The following BTRC variants were observed in gnomAD, a reference collection of about 807,000 sequenced individuals.
The protein encoded by BTRC is beta-transducin repeat containing E3 ubiquitin protein ligase, also known as F-box/WD repeat-containing protein 1A.
BTRC carries 42 observed loss-of-function variants against 85.5 expected under a neutral mutation model. The ratio of observed to expected loss-of-function variants is 0.49; its 90% CI spans 0.38 to 0.64. The LOEUF (loss-of-function observed/expected upper bound fraction) is 0.64, where lower values mean the gene tolerates loss of function less well. BTRC is among the 30% of genes least tolerant of loss of function. BTRC has a pLI of 0.00. For synonymous variants in BTRC, 255 were observed against 263.3 expected (o/e 0.97, Z 0.30); for missense variants, 594 against 743.5 (o/e 0.80, Z 2.34).
intron 4 of BTRC, among the ~76,000 whole-genome samples, chr10:101,495,770 G>A (rs189234573): frequency 5.3e-5 from 8 of 152,034 alleles, no homozygotes; most frequent in Non-Finnish European, 1.0e-4. Flanking sequence ...GAATTTTCAC[G>A]AAGTGAACAT....
At chr10:101,441,225 GT>G (rs777600441) in intron 2 of BTRC, among the ~76,000 whole-genome samples, 4 of 152,172 alleles carry the variant, frequency 2.6e-5, no homozygotes, top group Non-Finnish European at 4.4e-5. Context: ...GCTTTATGGA[GT>G]TTTCTAAATC....
chr10:101,490,764 A>T (rs1946109105), intron 4 of BTRC, among the ~76,000 whole-genome samples: 1 of 152,208 alleles, frequency 6.6e-6, no homozygotes, highest in Non-Finnish European at 1.5e-5. Flanking sequence ...CAGAAAACTT[A>T]CTATCTCTTT....
chr10:101,471,948 C>T (rs1945535814), intron 3 of BTRC, among the ~76,000 whole-genome samples: 2 of 152,154 alleles, frequency 1.3e-5, no homozygotes, highest in South Asian at 4.1e-4. Context: ...AAGCCTCTTT[C>T]GGCAGGCTTC....
chr10:101,387,186 T>C (rs932241092), intron 1 of BTRC, among the ~76,000 whole-genome samples: 6 of 152,002 alleles, frequency 3.9e-5, no homozygotes, highest in African/African-American at 1.4e-4. Context: ...GCAAATCTTT[T>C]CTATTTTAAA....
chr10:101,439,683 TG>T (rs1341773317), intron 2 of BTRC, among the ~76,000 whole-genome samples: 1 of 152,158 alleles, frequency 6.6e-6, no homozygotes, highest in Non-Finnish European at 1.5e-5. Flanking sequence ...TAAAGAGAAG[TG>T]GTGCTGATGG....
intron 2 of BTRC, among the ~76,000 whole-genome samples, chr10:101,440,178 A>AT (rs1366962095): frequency 7.2e-5 from 11 of 152,186 alleles, no homozygotes; most frequent in African/African-American, 2.7e-4. Context: ...CTTGGAAAAT[A>AT]TTTTGTAGTA....
At position 101,522,383 on chromosome 10, in the gene BTRC, A is replaced by AC. The variant is rs1589592319; in HGVS notation, c.556+513_556+514insC. 5.1e-5 allele frequency among the ~76,000 whole-genome samples: 7 copies of AC among 138,568 alleles called. No homozygotes were observed. The East Asian group carries it at 1.2e-3, about 24-fold the overall frequency. 90.9% of individuals were successfully genotyped at this position (138,568 alleles called of 152,430 possible). A position where few individuals can be genotyped will look rare whatever the true frequency, so the allele number is the denominator to read the frequency against. ...AAAAAAAAACAAAAAAAAACAAAAA[A>AC]AAAAAAACTCTAGAAATAAAGACTC... is the stretch of plus-strand genomic sequence containing the variant. On this transcript the variant is annotated intron_variant, in intron 5 of 14. Transcript: ENST00000370187.
intron 1 of BTRC, among the ~76,000 whole-genome samples, chr10:101,421,336 T>C (rs2134054073): frequency 6.6e-6 from 1 of 152,312 alleles, no homozygotes; most frequent in East Asian, 1.9e-4. Flanking sequence ...AGTAACTCCA[T>C]GTTTAACTTT....
chr10:101,358,814 T>C (rs1245323872), intron 1 of BTRC, among the ~76,000 whole-genome samples: 1 of 151,976 alleles, frequency 6.6e-6, no homozygotes, highest in Non-Finnish European at 1.5e-5. Context: ...TCCAAGAATG[T>C]CACTGTGGGT....
intron 4 of BTRC, among the ~76,000 whole-genome samples, chr10:101,512,750 A>G (rs1362388977): frequency 6.6e-6 from 1 of 152,236 alleles, no homozygotes; most frequent in Non-Finnish European, 1.5e-5. Context: ...AGCCTTTGAG[A>G]ACTAAGCTGA....
At chr10:101,549,240 C>T (rs1486258086) in intron 13 of BTRC, among the ~76,000 whole-genome samples, 1 of 140,226 alleles carries the variant, frequency 7.1e-6, no homozygotes, top group East Asian at 2.1e-4. Context: ...CAAGACCAGC[C>T]TGGGCAACAA....
At chr10:101,530,497 A>G (rs899968760) in intron 6 of BTRC, among the ~76,000 whole-genome samples, 19 of 144,234 alleles carry the variant, frequency 1.3e-4, no homozygotes, top group South Asian at 4.4e-4. Context: ...AGTAAAAGGG[A>G]AAAAAAAAAA....
chr10:101,545,352 TTAACTA>T (rs1187918334), intron 13 of BTRC, among the ~76,000 whole-genome samples: 2 of 152,212 alleles, frequency 1.3e-5, no homozygotes, highest in Non-Finnish European at 2.9e-5. Context: ...GAAAGCTACT[TTAACTA>T]TAAAGACACA....
At chr10:101,457,955 T>A (rs1239430059) in intron 2 of BTRC, among the ~76,000 whole-genome samples, 3 of 152,212 alleles carry the variant, frequency 2.0e-5, no homozygotes, top group African/African-American at 7.2e-5. Flanking sequence ...TATCTGCTTA[T>A]AAATACATAT....
At chr10:101,453,008 G>T (rs1034862109) in intron 2 of BTRC, among the ~76,000 whole-genome samples, 4 of 150,418 alleles carry the variant, frequency 2.7e-5, no homozygotes, top group African/African-American at 9.8e-5. Context: ...CACACACAGT[G>T]TTTTTTTTTA....
intron 4 of BTRC, among the ~76,000 whole-genome samples, chr10:101,505,934 AG>A (rs1444054339): frequency 1.4e-5 from 2 of 144,614 alleles, no homozygotes; most frequent in African/African-American, 5.1e-5. Flanking sequence ...TTTTTTTTTG[AG>A]ACGGAGTCTC....
At chr10:101,498,365 G>A (rs1477553925) in intron 4 of BTRC, among the ~76,000 whole-genome samples, 1 of 151,988 alleles carries the variant, frequency 6.6e-6, no homozygotes, top group African/African-American at 2.4e-5. Flanking sequence ...ATTTTGGCCA[G>A]GCTGGTCTCG....
At chr10:101,363,357 G>A (rs1942266339) in intron 1 of BTRC, among the ~76,000 whole-genome samples, 1 of 152,180 alleles carries the variant, frequency 6.6e-6, no homozygotes, top group Non-Finnish European at 1.5e-5. Context: ...ATGGTGGCAT[G>A]TTTCCTTAAT....
intron 1 of BTRC, among the ~76,000 whole-genome samples, chr10:101,401,810 C>G (rs558692388): frequency 2.6e-4 from 39 of 147,806 alleles, no homozygotes; most frequent in Non-Finnish European, 4.7e-4. Flanking sequence ...TGCACTCCAG[C>G]CTGGGTGACA....
Sources: allele counts gnomAD v4.1 joint callset (sites outside exome capture counted in the v4.1 genomes callset), GRCh38; gene constraint gnomAD v4.1.1; transcripts MANE v1.5; gene names NCBI Gene and HGNC (gene_info 2026-07-23, HGNC 2026-07-21).